Variants in FAM184B observed in about 807,000 individuals in gnomAD.
FAM184B encodes family with sequence similarity 184 member B.
FAM184B carries 111 observed loss-of-function variants against 135.9 expected under a neutral mutation model. The ratio of observed to expected loss-of-function variants is 0.82; its 90% confidence interval spans 0.70 to 0.96. The LOEUF is 0.96. Among genes scored for constraint, FAM184B ranks in the 40% least tolerant of loss-of-function variants. The pLI is 0.00. For missense variants in FAM184B, 1,375 were observed against 1,323.9 expected (o/e 1.04, Z -0.60); for synonymous variants, 552 against 524.8 (o/e 1.05, Z -0.71).
At chr4:17,762,218 G>A (rs1299054682) in intron 1 of FAM184B, among the ~76,000 whole-genome samples, 1 of 152,128 alleles carries the variant, frequency 6.6e-6, no homozygotes, top group Non-Finnish European at 1.5e-5. Context: ...AATTAACAAA[G>A]GATCCCCTAT....
At position 17,726,480 on chromosome 4, in the gene FAM184B, T is replaced by C. The variant is rs546896112; in HGVS notation, c.142-16836A>G. 5.4e-3 allele frequency among the ~76,000 whole-genome samples: 820 copies of C among 152,252 alleles called. 8 individuals carry two copies. Among genetic ancestry groups the C allele is most frequent in the Non-Finnish European group, 9.1e-3 (621 of 68,012 alleles). ...TCTGCTTCCCAGGTTCAAGTGACTC[T>C]TGTGCCTCAGCCTCCTGAGTAGCTG... On this transcript the variant is annotated intron_variant, in intron 1 of 17. Coordinates refer to ENST00000265018, the MANE Select transcript of FAM184B (RefSeq NM_015688.2).
chr4:17,636,788 C>A (rs1290256900), intron 14 of FAM184B, 143 bp from the exon 15 acceptor site: 3 of 666,744 alleles, frequency 4.5e-6, no homozygotes, highest in Non-Finnish European at 7.4e-6. Context: ...TGCCCAGGGC[C>A]CCCTGGGGAG....
At chr4:17,710,335 C>A (rs934740405) in intron 1 of FAM184B, among the ~76,000 whole-genome samples, 1 of 151,682 alleles carries the variant, frequency 6.6e-6, no homozygotes, top group Non-Finnish European at 1.5e-5. Context: ...CAAAAACAAA[C>A]AAACAAACAA....
At chr4:17,724,898 C>G (rs1049349218) in intron 1 of FAM184B, among the ~76,000 whole-genome samples, 1 of 152,154 alleles carries the variant, frequency 6.6e-6, no homozygotes, top group Non-Finnish European at 1.5e-5. Context: ...CTCTCCCTGG[C>G]CTGGCTAGAG....
intron 8 of FAM184B, 142 bp from the exon 9 acceptor site, chr4:17,660,229 T>C (rs1715882651): frequency 1.0e-6 from 1 of 981,954 alleles, no homozygotes; most frequent in Non-Finnish European, 1.5e-6. Context: ...CTTGCTTGGC[T>C]TTCAAAAAGC....
intron 1 of FAM184B, among the ~76,000 whole-genome samples, chr4:17,750,700 T>C (rs1048042952): frequency 6.6e-6 from 1 of 152,236 alleles, no homozygotes; most frequent in African/African-American, 2.4e-5. Context: ...GAAAACCATA[T>C]AGCTCTATTA....
chr4:17,705,295 G>T, intron 4 of FAM184B, 89 bp from the exon 5 acceptor site: 1 of 968,846 alleles, frequency 1.0e-6, no homozygotes, highest in South Asian at 1.6e-5. Flanking sequence ...CTTTTACAAC[G>T]TTTATACACT....
chr4:17,749,602 C>T (rs916165804), intron 1 of FAM184B, among the ~76,000 whole-genome samples: 2 of 151,786 alleles, frequency 1.3e-5, no homozygotes, highest in Non-Finnish European at 2.9e-5. Context: ...TCTATATGGC[C>T]TGCATTTGTT....
At chr4:17,684,158 AAATAT>A (rs1484124672) in intron 7 of FAM184B, among the ~76,000 whole-genome samples, 15 of 146,100 alleles carry the variant, frequency 1.0e-4, no homozygotes, top group African/African-American at 1.7e-4. Flanking sequence ...TTATATAATA[AAATAT>A]AATATAAAAT....
chr4:17,700,943 G>T (rs1464842482), intron 5 of FAM184B, among the ~76,000 whole-genome samples: 1 of 152,116 alleles, frequency 6.6e-6, no homozygotes, highest in Non-Finnish European at 1.5e-5. Flanking sequence ...GATTTTGGTG[G>T]TAGTAGCAAA....
chr4:17,739,542 T>C (rs1057411330), intron 1 of FAM184B, among the ~76,000 whole-genome samples: 2 of 146,652 alleles, frequency 1.4e-5, no homozygotes, highest in Non-Finnish European at 3.0e-5. Flanking sequence ...CTACACCATA[T>C]GTCATACCAA....
chr4:17,728,812 C>A (rs1343890032), intron 1 of FAM184B, among the ~76,000 whole-genome samples: 2 of 152,170 alleles, frequency 1.3e-5, no homozygotes, highest in Non-Finnish European at 2.9e-5. Context: ...CTACAGCTCC[C>A]AGCGTGAGCG....
intron 1 of FAM184B, among the ~76,000 whole-genome samples, chr4:17,740,183 CT>C (rs1270720904): frequency 6.6e-6 from 1 of 151,820 alleles, no homozygotes; most frequent in Non-Finnish European, 1.5e-5. Flanking sequence ...AAAGCCGCGT[CT>C]CTACTAAAAA....
chr4:17,775,532 A>C (rs893544831), intron 1 of FAM184B, among the ~76,000 whole-genome samples: 2 of 152,202 alleles, frequency 1.3e-5, no homozygotes, highest in Non-Finnish European at 2.9e-5. Flanking sequence ...AACTCCAGTA[A>C]ACTTAACATC....
intron 1 of FAM184B, among the ~76,000 whole-genome samples, chr4:17,710,063 C>G (rs919887930): frequency 5.9e-5 from 9 of 152,082 alleles, no homozygotes; most frequent in African/African-American, 2.2e-4. Context: ...CGGTGGCTCA[C>G]GGCTGTAATC....
At chr4:17,736,324 T>C (rs1462204925) in intron 1 of FAM184B, among the ~76,000 whole-genome samples, 1 of 152,204 alleles carries the variant, frequency 6.6e-6, no homozygotes, top group Non-Finnish European at 1.5e-5. Flanking sequence ...TAAAAGTGAA[T>C]CCTAATTCTG....
chr4:17,682,063 G>A (rs1403782417), intron 7 of FAM184B, among the ~76,000 whole-genome samples: 2 of 152,144 alleles, frequency 1.3e-5, no homozygotes, highest in African/African-American at 4.8e-5. Flanking sequence ...TATAGTGATG[G>A]TACTCAGACA....
chr4:17,646,612 G>C (rs35643166), intron 12 of FAM184B, among the ~76,000 whole-genome samples: 1 of 152,056 alleles, frequency 6.6e-6, no homozygotes, highest in Non-Finnish European at 1.5e-5. Context: ...GATAGCATTA[G>C]GAGATATACC....
At chr4:17,729,122 T>G (rs540701249) in intron 1 of FAM184B, among the ~76,000 whole-genome samples, 57 of 152,050 alleles carry the variant, frequency 3.7e-4, no homozygotes, top group Non-Finnish European at 7.4e-4. Flanking sequence ...GCTTGGAGGG[T>G]CCTGCGCCCA....
Sources: gnomAD v4.1 joint callset for allele counts (sites outside exome capture counted in the v4.1 genomes callset) on GRCh38, gnomAD v4.1.1 for gene constraint, MANE v1.5 for transcripts, NCBI Gene and HGNC (gene_info 2026-07-23, HGNC 2026-07-21) for gene names.